GTF2B: variants seen among roughly 807,000 people sequenced by gnomAD.
GTF2B encodes the protein general transcription factor IIB.
In GTF2B, 20 loss-of-function variants were observed where a neutral mutation model predicts 34.6. The ratio of observed to expected loss-of-function variants is 0.58; its 90% CI spans 0.41 to 0.84. The LOEUF (loss-of-function observed/expected upper bound fraction) is 0.84, where lower values mean the gene tolerates loss of function less well. Ranked by LOEUF, GTF2B falls within the 40% of genes least tolerant of loss-of-function variation. The pLI, the probability that GTF2B is intolerant of heterozygous loss-of-function variation, is 0.00. For missense variants in GTF2B, 237 were observed against 393.3 expected (o/e 0.60, Z 3.36); for synonymous variants, 142 against 132.4 (o/e 1.07, Z -0.50).
intron 2 of GTF2B, among the ~76,000 whole-genome samples, chr1:88,868,940 C>T (rs1015938176): frequency 2.0e-5 from 3 of 152,106 alleles, no homozygotes; most frequent in African/African-American, 4.8e-5. Flanking sequence ...AGGGTTTCAG[C>T]GTGTTAACCA....
At chr1:88,856,241 C>G (rs1673300249) in intron 6 of GTF2B, among the ~76,000 whole-genome samples, 1 of 130,902 alleles carries the variant, frequency 7.6e-6, no homozygotes, top group South Asian at 2.4e-4. Flanking sequence ...GTACCTCCAG[C>G]CTGCGCAACA....
At chr1:88,877,313 T>C (rs1673838777) in intron 2 of GTF2B, among the ~76,000 whole-genome samples, 1 of 152,218 alleles carries the variant, frequency 6.6e-6, no homozygotes, top group East Asian at 1.9e-4. Context: ...TGCTTTTACA[T>C]ACAATCAAAT....
chr1:88,879,711 G>A (rs1203296464), intron 2 of GTF2B, among the ~76,000 whole-genome samples: 2 of 152,026 alleles, frequency 1.3e-5, no homozygotes, highest in African/African-American at 4.8e-5. Context: ...AGAGGAATTA[G>A]TGACAATGGG....
At chr1:88,891,267 C>T (rs1346157391) in intron 1 of GTF2B, among the ~76,000 whole-genome samples, 1 of 152,170 alleles carries the variant, frequency 6.6e-6, no homozygotes, top group Non-Finnish European at 1.5e-5. Flanking sequence ...CTACATAAGA[C>T]TCCAGGGCAA....
In GTF2B at chr1:88,853,085, T is replaced by C. The variant is rs1245378352; in HGVS notation, c.*128A>G. 2.5e-6 allele frequency: 2 copies of C among 790,212 alleles called. No individual in the cohort carries two copies. Among genetic ancestry groups the C allele is most frequent in the Non-Finnish European group, 2.2e-6 (1 of 445,278 alleles). The allele number at this position is 790,212 out of a possible 1,614,324, so 49.0% of individuals were successfully genotyped here. A position where few individuals can be genotyped will look rare whatever the true frequency, so the allele number is the denominator to read the frequency against. ...ATACATACAGAATGCCAAGCAATAG[T>C]ATTCAGCCCTGGAATGCGTACCATG... On this transcript the variant is annotated 3_prime_UTR_variant, in exon 7 of 7. Transcript: ENST00000370500.
chr1:88,857,121 T>C, intron 6 of GTF2B, 85 bp downstream of exon 6: 2 of 1,276,294 alleles, frequency 1.6e-6, no homozygotes, highest in East Asian at 2.3e-5. Flanking sequence ...TTCTTGCTAT[T>C]TACCCGGTTC....
At chr1:88,879,126 G>T (rs1309221008) in intron 2 of GTF2B, among the ~76,000 whole-genome samples, 2 of 152,184 alleles carry the variant, frequency 1.3e-5, no homozygotes, top group Non-Finnish European at 2.9e-5. Context: ...ATAAACACTT[G>T]CCTCTTGTTT....
intron 6 of GTF2B, among the ~76,000 whole-genome samples, chr1:88,854,263 T>C (rs1044705971): frequency 2.6e-5 from 4 of 152,170 alleles, no homozygotes; most frequent in African/African-American, 9.7e-5. Context: ...ACTTAATACA[T>C]CAGAGATCAA....
intron 6 of GTF2B, among the ~76,000 whole-genome samples, chr1:88,854,420 C>A (rs1673256812): frequency 6.6e-6 from 1 of 152,126 alleles, no homozygotes; most frequent in African/African-American, 2.4e-5. Flanking sequence ...CTTTCAAAGT[C>A]ATTAAAAGAA....
At chr1:88,886,923 A>T (rs74506678) in intron 2 of GTF2B, among the ~76,000 whole-genome samples, 12,525 of 147,282 alleles carry the variant, frequency 0.085, 1,196 homozygotes, top group African/African-American at 0.26. Context: ...TATTATTATT[A>T]TTATTTTTTT....
chr1:88,868,771 T>C (rs1673616923), intron 2 of GTF2B, among the ~76,000 whole-genome samples: 1 of 151,818 alleles, frequency 6.6e-6, no homozygotes. Context: ...AGTCTCGCTC[T>C]GTCGCCCAGG....
intron 2 of GTF2B, among the ~76,000 whole-genome samples, chr1:88,868,952 G>C (rs1469802730): frequency 1.3e-5 from 2 of 152,012 alleles, no homozygotes; most frequent in African/African-American, 4.8e-5. Context: ...TGTTAACCAG[G>C]ATGGTCTCGA....
intron 3 of GTF2B, among the ~76,000 whole-genome samples, chr1:88,860,588 T>C (rs1008947588): frequency 1.3e-5 from 2 of 151,946 alleles, no homozygotes; most frequent in Non-Finnish European, 2.9e-5. Context: ...GAAAACAGAA[T>C]CCAACAGCAT....
intron 2 of GTF2B, among the ~76,000 whole-genome samples, chr1:88,878,632 T>C (rs1673865737): frequency 6.6e-6 from 1 of 152,222 alleles, no homozygotes; most frequent in Non-Finnish European, 1.5e-5. Context: ...GTATCAAGTT[T>C]AGGTACAGCC....
At chr1:88,871,615 C>A (rs1483368488) in intron 2 of GTF2B, among the ~76,000 whole-genome samples, 1 of 152,138 alleles carries the variant, frequency 6.6e-6, no homozygotes, top group African/African-American at 2.4e-5. Context: ...CAAGGAGAAC[C>A]AAAAACGTTA....
chr1:88,874,153 A>G (rs1046609287), intron 2 of GTF2B, among the ~76,000 whole-genome samples: 1 of 152,192 alleles, frequency 6.6e-6, no homozygotes, highest in Admixed American at 6.5e-5. Context: ...TCATAGCGCA[A>G]TGTGAAAACC....
chr1:88,866,247 G>A (rs1673557691), intron 2 of GTF2B, among the ~76,000 whole-genome samples: 1 of 152,066 alleles, frequency 6.6e-6, no homozygotes, highest in Admixed American at 6.6e-5. Flanking sequence ...TGTGCCTGTA[G>A]GGAGGCTGAG....
intron 6 of GTF2B, 89 bp from the exon 7 acceptor site, chr1:88,853,435 T>A: frequency 1.7e-6 from 2 of 1,183,672 alleles, no homozygotes; most frequent in South Asian, 1.3e-5. Context: ...TATGATAGTA[T>A]AAAGTGCCAA....
At chr1:88,879,643 GTGACATA>G (rs1398722306) in intron 2 of GTF2B, among the ~76,000 whole-genome samples, 1 of 151,860 alleles carries the variant, frequency 6.6e-6, no homozygotes, top group East Asian at 1.9e-4. Context: ...AGATGAGAGG[GTGACATA>G]TGGCTCTGAT....
Sources: gnomAD v4.1 joint callset for allele counts (sites outside exome capture counted in the v4.1 genomes callset) on GRCh38, gnomAD v4.1.1 for gene constraint, MANE v1.5 for transcripts, NCBI Gene and HGNC (gene_info 2026-07-23, HGNC 2026-07-21) for gene names.